Variants in KIAA0825 observed in about 807,000 individuals in gnomAD.
KIAA0825 encodes KIAA0825, also known as uncharacterized protein KIAA0825.
A neutral mutation model predicts 147.6 loss-of-function variants in KIAA0825; 119 were observed. That is an observed-to-expected ratio of 0.81 (90% confidence interval 0.69 to 0.94). The LOEUF (loss-of-function observed/expected upper bound fraction) is 0.94, where lower values mean the gene tolerates loss of function less well. Ranked by LOEUF, KIAA0825 falls within the 40% of genes least tolerant of loss-of-function variation. The probability of loss-of-function intolerance (pLI) is 0.00; values close to 1 mark genes in which losing one functional copy is unlikely to be tolerated. For missense variants in KIAA0825, 1,381 were observed against 1,472.7 expected (o/e 0.94, Z 1.02); for synonymous variants, 470 against 518.1 (o/e 0.91, Z 1.26).
chr5:94,594,045 C>T lies in KIAA0825; in HGVS notation c.-152-11462G>A, dbSNP rs78564223. ...AAAGGGATGAAGTTTTTGGAACTTG[C>T]GTGCAACATCTTAATTTCTACTTAG... On this transcript the variant is annotated intron_variant, in intron 1 of 20. Transcript: ENST00000682413. The T allele has an allele frequency of 4.6e-3, 2,389 of 521,994 alleles. 41 individuals are homozygous for T. Among genetic ancestry groups the T allele is most frequent in the African/African-American group, 0.041 (2,065 of 50,796 alleles). The allele number at this position is 521,994 out of a possible 1,614,324, so 32.3% of individuals were successfully genotyped here.
intron 20 of KIAA0825, among the ~76,000 whole-genome samples, chr5:94,287,940 T>C (rs982883185): frequency 6.6e-6 from 1 of 152,122 alleles, no homozygotes; most frequent in African/African-American, 2.4e-5. Context: ...TAGAACAGCA[T>C]TGGGCCTCTT....
rs1372072480 is a variant in KIAA0825, at chr5:94,549,960, G to GAAAACA, written c.-1-12834_-1-12833insTGTTTT. Among the ~76,000 whole-genome samples, 3 of 152,100 alleles carry GAAAACA rather than the reference G, an allele frequency of 2.0e-5. No individual in the cohort carries two copies. In the East Asian group the frequency reaches 5.8e-4, roughly 29 times the overall value. On this transcript the variant is annotated intron_variant, in intron 2 of 20. Coordinates refer to ENST00000682413, the MANE Select transcript of KIAA0825 (RefSeq NM_001145678.3). ...CTGAAACAAAGAAAACAATAGAAAA[G>GAAAACA]ATCAATGAAACAAAAAGTTGGCTTT...
intron 20 of KIAA0825, among the ~76,000 whole-genome samples, chr5:94,303,275 CA>C (rs1778517759): frequency 6.6e-6 from 1 of 151,736 alleles, no homozygotes; most frequent in Non-Finnish European, 1.5e-5. Context: ...TATTTAATCC[CA>C]AATTTAAAAT....
intron 14 of KIAA0825, among the ~76,000 whole-genome samples, chr5:94,425,026 A>G (rs1158833927): frequency 6.6e-6 from 1 of 152,162 alleles, no homozygotes; most frequent in Non-Finnish European, 1.5e-5. Context: ...AAAGTACAAG[A>G]CCAGAGGGTT....
chr5:94,193,724 C>T (rs1770880080), intron 20 of KIAA0825, among the ~76,000 whole-genome samples: 1 of 152,168 alleles, frequency 6.6e-6, no homozygotes, highest in Non-Finnish European at 1.5e-5. Flanking sequence ...AACTGAGGCA[C>T]AGAGATGTTG....
chr5:94,575,065 T>C (rs960657779), intron 2 of KIAA0825, among the ~76,000 whole-genome samples: 25 of 152,082 alleles, frequency 1.6e-4, no homozygotes, highest in Admixed American at 8.5e-4. Flanking sequence ...AGAAAAATCA[T>C]GGATGAAAAT....
At chr5:94,593,701 C>T (rs1443481014) in intron 1 of KIAA0825, 6 of 386,360 alleles carry the variant, frequency 1.6e-5, no homozygotes, top group East Asian at 6.0e-5. Flanking sequence ...TGCTTCAGTT[C>T]TGCACAAACA....
intron 1 of KIAA0825, chr5:94,615,744 T>C (rs1186509981): frequency 6.6e-6 from 1 of 152,120 alleles, no homozygotes; most frequent in Non-Finnish European, 1.5e-5. Context: ...ATTTATGTGG[T>C]AAATCCTTTA....
At chr5:94,366,799 C>T (rs1745918028) in intron 20 of KIAA0825, among the ~76,000 whole-genome samples, 1 of 152,140 alleles carries the variant, frequency 6.6e-6, no homozygotes, top group South Asian at 2.1e-4. Context: ...AGAAAGGGTA[C>T]ACTTGCCAGG....
At chr5:94,540,005 G>T (rs1300959131) in intron 2 of KIAA0825, among the ~76,000 whole-genome samples, 2 of 152,142 alleles carry the variant, frequency 1.3e-5, no homozygotes, top group Non-Finnish European at 2.9e-5. Context: ...TGATGGAACT[G>T]CTGGAAAAGA....
rs1750625133 is a variant in KIAA0825, at chr5:94,396,124, T to C, written c.3273A>G (p.Lys1091=). ...ACCATTCAGTGCTCAGTTTCCTTGC[T>C]TTCAACAATTGACGTTCAATCCAGT... ...KPNWIERQLL[K]ARKLSTECAF... is the part of the protein sequence containing the mutation. The change falls in exon 17 of 21, where the codon AAA becomes AAG. Residue 1091 remains lysine (K), a synonymous_variant. Transcript: ENST00000682413. 1 of 1,495,866 alleles carries C rather than the reference T, an allele frequency of 6.7e-7. No individual in the cohort carries two copies. Among genetic ancestry groups the C allele is most frequent in the Non-Finnish European group, 8.9e-7 (1 of 1,122,974 alleles). The allele number at this position is 1,495,866 out of a possible 1,614,324, so 92.7% of individuals were successfully genotyped here. A position where few individuals can be genotyped will look rare whatever the true frequency, so the allele number is the denominator to read the frequency against.
chr5:94,270,585 A>C (rs2150142048), intron 20 of KIAA0825, among the ~76,000 whole-genome samples: 1 of 151,960 alleles, frequency 6.6e-6, no homozygotes, highest in East Asian at 1.9e-4. Flanking sequence ...CCATTATGGA[A>C]CATAATGGAG....
At chr5:94,322,263 G>T (rs935840360) in intron 20 of KIAA0825, among the ~76,000 whole-genome samples, 2 of 151,796 alleles carry the variant, frequency 1.3e-5, no homozygotes, top group Non-Finnish European at 2.9e-5. Flanking sequence ...CTTTTTAGCA[G>T]CTTAAATTTC....
At chr5:94,296,731 A>T (rs1302818852) in intron 20 of KIAA0825, among the ~76,000 whole-genome samples, 1 of 152,146 alleles carries the variant, frequency 6.6e-6, no homozygotes, top group Non-Finnish European at 1.5e-5. Flanking sequence ...TCAGGGCTGC[A>T]ACCACTGTCT....
intron 17 of KIAA0825, among the ~76,000 whole-genome samples, chr5:94,393,677 G>A (rs1750217716): frequency 6.6e-6 from 1 of 151,994 alleles, no homozygotes; most frequent in Non-Finnish European, 1.5e-5. Flanking sequence ...TTAAATTATG[G>A]TAGAACCAAG....
At chr5:94,444,703 T>C (rs1757517960) in intron 13 of KIAA0825, among the ~76,000 whole-genome samples, 1 of 152,054 alleles carries the variant, frequency 6.6e-6, no homozygotes, top group Non-Finnish European at 1.5e-5. Flanking sequence ...CTGTAGCCTG[T>C]CCTGCTAAGT....
intron 20 of KIAA0825, among the ~76,000 whole-genome samples, chr5:94,242,937 A>G (rs917770413): frequency 6.6e-6 from 1 of 151,782 alleles, no homozygotes; most frequent in Non-Finnish European, 1.5e-5. Flanking sequence ...CATTTTTCTT[A>G]TTGTCTCACT....
At chr5:94,432,540 A>G (rs1167501356) in intron 14 of KIAA0825, among the ~76,000 whole-genome samples, 1 of 152,162 alleles carries the variant, frequency 6.6e-6, no homozygotes, top group Non-Finnish European at 1.5e-5. Flanking sequence ...ATCTTTGGAT[A>G]GGATCCCATA....
chr5:94,474,436 A>C (rs79896474), intron 7 of KIAA0825, among the ~76,000 whole-genome samples: 12 of 152,250 alleles, frequency 7.9e-5, no homozygotes, highest in African/African-American at 2.9e-4. Context: ...CCTGAGCTCC[A>C]TGTCCCTGAC....
Sources: allele counts gnomAD v4.1 joint callset (sites outside exome capture counted in the v4.1 genomes callset), GRCh38; gene constraint gnomAD v4.1.1; transcripts MANE v1.5; gene names NCBI Gene and HGNC (gene_info 2026-07-23, HGNC 2026-07-21).